GRIP1: variants seen among roughly 807,000 people sequenced by gnomAD.
The protein encoded by GRIP1 is glutamate receptor interacting protein 1.
In GRIP1, 45 loss-of-function variants were observed where a neutral mutation model predicts 129.9. The ratio of observed to expected loss-of-function variants is 0.35; its 90% CI spans 0.27 to 0.44. The LOEUF is 0.44. Ranked by LOEUF, GRIP1 falls within the 20% of genes least tolerant of loss-of-function variation. The pLI, the probability that GRIP1 is intolerant of heterozygous loss-of-function variation, is 1.00. For synonymous variants in GRIP1, 530 were observed against 520.8 expected (o/e 1.02, Z -0.24); for missense variants, 1,196 against 1,396.8 (o/e 0.86, Z 2.29).
intron 1 of GRIP1, among the ~76,000 whole-genome samples, chr12:66,835,830 C>CATT (rs2039603165): frequency 6.6e-6 from 1 of 152,144 alleles, no homozygotes; most frequent in South Asian, 2.1e-4. Flanking sequence ...TGTCATCATA[C>CATT]ATTTACCCAA....
At chr12:66,570,888 T>C (rs1028419328) in intron 2 of GRIP1, 1 of 152,190 alleles carries the variant, frequency 6.6e-6, no homozygotes, top group African/African-American at 2.4e-5. Flanking sequence ...AAGAGTCACA[T>C]ACATTTGATT....
chr12:66,498,137 G>A (rs868455959), intron 7 of GRIP1, among the ~76,000 whole-genome samples: 1 of 152,040 alleles, frequency 6.6e-6, no homozygotes, highest in Non-Finnish European at 1.5e-5. Context: ...CTCCCTTTTC[G>A]GACTCAGCCC....
chr12:66,807,517 C>CA (rs1217968860), upstream of GRIP1, among the ~76,000 whole-genome samples: 18 of 152,120 alleles, frequency 1.2e-4, no homozygotes, highest in East Asian at 1.9e-4. Context: ...ACTGAAAATA[C>CA]AAAAAAATTA....
intron 1 of GRIP1, among the ~76,000 whole-genome samples, chr12:66,825,741 A>G (rs2039399415): frequency 6.6e-6 from 1 of 152,150 alleles, no homozygotes; most frequent in African/African-American, 2.4e-5. Flanking sequence ...CCTTTGAATG[A>G]CTAATAGCAA....
rs369954820 is a variant in GRIP1, at chr12:66,741,515, AT to A, written c.-420+62537del. ...CAGGGTATGGGGCTAGGCCAGCACT[AT>A]CCAGTAGAAATATTATGTGTGTCAC... On this transcript the variant is annotated intron_variant, in intron 1 of 4. Coordinates refer to the GRIP1 transcript ENST00000538373. Among the ~76,000 whole-genome samples the A allele has an allele frequency of 5.9e-5, 9 of 152,358 alleles. No individual in the cohort carries two copies. The South Asian group carries it at 1.2e-3, about 21-fold the overall frequency.
intron 1 of GRIP1, among the ~76,000 whole-genome samples, chr12:66,598,200 T>G (rs570271120): frequency 6.6e-6 from 1 of 152,326 alleles, no homozygotes; most frequent in African/African-American, 2.4e-5. Flanking sequence ...ATTGAGGAAC[T>G]CATTTCCTCT....
chr12:67,032,767 CA>C (rs1372226680), intron 1 of GRIP1, among the ~76,000 whole-genome samples: 1 of 152,070 alleles, frequency 6.6e-6, no homozygotes, highest in Admixed American at 6.6e-5. Context: ...AGATCTCAAT[CA>C]GAACTGTCAC....
intron 2 of GRIP1, among the ~76,000 whole-genome samples, chr12:66,581,864 C>T (rs1037638718): frequency 6.6e-6 from 1 of 152,000 alleles, no homozygotes; most frequent in Non-Finnish European, 1.5e-5. Flanking sequence ...GAAAGTATTC[C>T]AATCAATAGA....
intron 1 of GRIP1, among the ~76,000 whole-genome samples, chr12:66,697,582 C>T (rs1310331771): frequency 1.3e-5 from 2 of 152,120 alleles, no homozygotes; most frequent in Non-Finnish European, 2.9e-5. Flanking sequence ...GGCAGTCACA[C>T]ATTTGAGACT....
intron 1 of GRIP1, among the ~76,000 whole-genome samples, chr12:66,706,331 A>G (rs1194225259): frequency 6.6e-6 from 1 of 152,204 alleles, no homozygotes; most frequent in African/African-American, 2.4e-5. Flanking sequence ...AGAAAGGCAA[A>G]TCAAAACTGC....
At chr12:66,431,234 C>T (rs1360090017) in intron 14 of GRIP1, among the ~76,000 whole-genome samples, 1 of 152,100 alleles carries the variant, frequency 6.6e-6, no homozygotes, top group East Asian at 1.9e-4. Flanking sequence ...AGTGAAAAAA[C>T]TGAGAGGCTA....
At chr12:66,844,276 T>C (rs1357987336) in intron 1 of GRIP1, among the ~76,000 whole-genome samples, 1 of 152,104 alleles carries the variant, frequency 6.6e-6, no homozygotes, top group Non-Finnish European at 1.5e-5. Flanking sequence ...TGATTTTAAA[T>C]GGGCAAAAGA....
chr12:66,984,962 G>A (rs1340560075), intron 1 of GRIP1, among the ~76,000 whole-genome samples: 3 of 152,150 alleles, frequency 2.0e-5, no homozygotes, highest in Non-Finnish European at 4.4e-5. Flanking sequence ...GTCAGCTGGG[G>A]TGGCTAAAAG....
At chr12:66,791,602 C>A (rs764952397) in intron 1 of GRIP1, among the ~76,000 whole-genome samples, 1 of 151,744 alleles carries the variant, frequency 6.6e-6, no homozygotes, top group Non-Finnish European at 1.5e-5. Flanking sequence ...ACTTGAGGGG[C>A]CTGGTATCAG....
chr12:66,746,084 T>A (rs888874754), intron 1 of GRIP1, among the ~76,000 whole-genome samples: 1 of 152,120 alleles, frequency 6.6e-6, no homozygotes, highest in African/African-American at 2.4e-5. Context: ...ACAATACAAA[T>A]TCTGCATTGG....
At chr12:66,423,842 G>A (rs2057892862) in intron 14 of GRIP1, among the ~76,000 whole-genome samples, 1 of 152,108 alleles carries the variant, frequency 6.6e-6, no homozygotes, top group African/African-American at 2.4e-5. Flanking sequence ...GGCAATAAAA[G>A]CTTATTAAGT....
chr12:66,695,385 G>A (rs2035121472), intron 1 of GRIP1, among the ~76,000 whole-genome samples: 2 of 151,956 alleles, frequency 1.3e-5, no homozygotes, highest in Admixed American at 1.3e-4. Context: ...TCCAGAAGTG[G>A]ACTGATTAGC....
intron 1 of GRIP1, among the ~76,000 whole-genome samples, chr12:66,692,912 G>C (rs558085284): frequency 6.6e-6 from 1 of 152,142 alleles, no homozygotes; most frequent in Non-Finnish European, 1.5e-5. Context: ...GTCATGACTT[G>C]TGCTGAGGAG....
At chr12:66,782,593 A>T (rs1489653084) in intron 1 of GRIP1, among the ~76,000 whole-genome samples, 1 of 152,234 alleles carries the variant, frequency 6.6e-6, no homozygotes, top group Non-Finnish European at 1.5e-5. Flanking sequence ...AATTTTCAAG[A>T]TCATGCAATC....
Sources: allele counts gnomAD v4.1 joint callset (sites outside exome capture counted in the v4.1 genomes callset), GRCh38; gene constraint gnomAD v4.1.1; transcripts MANE v1.5; gene names NCBI Gene and HGNC (gene_info 2026-07-23, HGNC 2026-07-21).